The following NTM variants were observed in gnomAD, a reference collection of about 807,000 sequenced individuals.
The protein encoded by NTM is IgLON family member 2.
NTM carries 13 observed loss-of-function variants against 42.1 expected under a neutral mutation model. The observed-to-expected ratio is 0.31, with a 90% CI of 0.20 to 0.49. NTM has a LOEUF of 0.49. NTM is among the 20% of genes least tolerant of loss of function. The pLI, the probability that NTM is intolerant of heterozygous loss-of-function variation, is 0.99. For synonymous variants in NTM, 187 were observed against 179.2 expected, an observed-to-expected ratio of 1.04 and a Z score of -0.35; for missense variants, 373 against 452.8, an observed-to-expected ratio of 0.82 and a Z score of 1.60.
In NTM at chr11:131,395,305, A is replaced by G. The variant is rs1944429544; in HGVS notation, c.82+24417A>G. Among the ~76,000 whole-genome samples, 3 of 152,248 alleles carry G rather than the reference A, an allele frequency of 2.0e-5. No individual in the cohort carries two copies. In the South Asian group the frequency reaches 6.2e-4, roughly 32 times the overall value. On this transcript the variant is annotated intron_variant, in intron 1 of 8. Transcript: ENST00000683400. ...GAACAGAAATGGTTCCAATAAGGGCAGAGAGGAATATTGCTTTTATAGCTT... is the reference window on the plus strand; with the variant it reads ...GAACAGAAATGGTTCCAATAAGGGCGGAGAGGAATATTGCTTTTATAGCTT...
intron 1 of NTM, among the ~76,000 whole-genome samples, chr11:131,524,790 T>A (rs917142789): frequency 6.6e-6 from 1 of 152,164 alleles, no homozygotes; most frequent in African/African-American, 2.4e-5. Flanking sequence ...CAATTCAGAC[T>A]ATGACACTGA....
chr11:132,145,784 T>G (rs2070260398), intron 2 of NTM, among the ~76,000 whole-genome samples: 1 of 152,168 alleles, frequency 6.6e-6, no homozygotes, highest in Admixed American at 6.5e-5. Flanking sequence ...AAAAGCTGGG[T>G]CTCTGATCTA....
At chr11:131,495,196 C>G (rs529653194) in intron 1 of NTM, among the ~76,000 whole-genome samples, 3 of 152,176 alleles carry the variant, frequency 2.0e-5, no homozygotes, top group African/African-American at 7.2e-5. Flanking sequence ...TACACATAGC[C>G]GCTAGTTCCC....
intron 2 of NTM, among the ~76,000 whole-genome samples, chr11:131,993,281 A>G (rs937393910): frequency 6.6e-6 from 1 of 152,102 alleles, no homozygotes; most frequent in Non-Finnish European, 1.5e-5. Flanking sequence ...CTAAAGGAGG[A>G]GCCATGCAAA....
chr11:131,639,892 G>A (rs1410904168), intron 1 of NTM, among the ~76,000 whole-genome samples: 1 of 151,986 alleles, frequency 6.6e-6, no homozygotes, highest in East Asian at 1.9e-4. Flanking sequence ...GGAGGCGGAG[G>A]TTGCAGTGAG....
intron 3 of NTM, among the ~76,000 whole-genome samples, chr11:132,176,491 T>C (rs908026162): frequency 6.6e-6 from 1 of 152,176 alleles, no homozygotes; most frequent in Non-Finnish European, 1.5e-5. Context: ...CATCTTGTCA[T>C]TTGAAAATTC....
chr11:131,545,699 G>A (rs1168110964), intron 1 of NTM, among the ~76,000 whole-genome samples: 1 of 152,158 alleles, frequency 6.6e-6, no homozygotes, highest in African/African-American at 2.4e-5. Flanking sequence ...TTTTAAGAAG[G>A]TGATGAGCAG....
intron 1 of NTM, among the ~76,000 whole-genome samples, chr11:131,693,843 A>T (rs2075096952): frequency 6.6e-6 from 1 of 152,194 alleles, no homozygotes; most frequent in South Asian, 2.1e-4. Flanking sequence ...AGAAACTGGA[A>T]GCGAGAGAGG....
At chr11:132,033,163 G>A (rs781640523) in intron 2 of NTM, among the ~76,000 whole-genome samples, 4 of 152,170 alleles carry the variant, frequency 2.6e-5, no homozygotes, top group Admixed American at 6.5e-5. Flanking sequence ...ATGGCTGCGG[G>A]CAAGTAGCAC....
At chr11:131,473,143 A>G (rs56387947) in intron 1 of NTM, among the ~76,000 whole-genome samples, 1,719 of 152,270 alleles carry the variant, frequency 0.011, 31 homozygotes, top group African/African-American at 0.039. Flanking sequence ...ACTGGACTTC[A>G]AACACATCCC....
At chr11:131,538,743 G>T (rs1323587661) in intron 1 of NTM, 1 of 152,178 alleles carries the variant, frequency 6.6e-6, no homozygotes, top group Non-Finnish European at 1.5e-5. Flanking sequence ...AGGTGGGAAT[G>T]ATGTTGGTCA....
intron 1 of NTM, among the ~76,000 whole-genome samples, chr11:131,901,234 A>G (rs754955751): frequency 4.6e-5 from 7 of 152,242 alleles, no homozygotes; most frequent in Non-Finnish European, 8.8e-5. Flanking sequence ...CAAGCTGGTA[A>G]TTTGTGGAAC....
intron 1 of NTM, among the ~76,000 whole-genome samples, chr11:131,380,716 G>A (rs181357949): frequency 6.6e-6 from 1 of 152,234 alleles, no homozygotes; most frequent in Admixed American, 6.5e-5. Flanking sequence ...GTGACACTCA[G>A]TGTTTATGGA....
chr11:131,896,901 G>A (rs2052374011), intron 1 of NTM: 1 of 152,198 alleles, frequency 6.6e-6, no homozygotes, highest in Non-Finnish European at 1.5e-5. Flanking sequence ...TGTTAGCCAG[G>A]ATGGTCTCGA....
At chr11:131,383,901 A>C (rs1267469758) in intron 1 of NTM, among the ~76,000 whole-genome samples, 1 of 152,198 alleles carries the variant, frequency 6.6e-6, no homozygotes, top group East Asian at 1.9e-4. Flanking sequence ...CCAGTTAGGC[A>C]TGAGGTCACC....
intron 6 of NTM, among the ~76,000 whole-genome samples, chr11:132,313,817 A>G (rs1565455267): frequency 6.6e-6 from 1 of 152,088 alleles, no homozygotes; most frequent in South Asian, 2.1e-4. Flanking sequence ...CCCCAGACCA[A>G]TGCAAGTCCT....
At chr11:131,470,546 G>C (rs918476003) in intron 1 of NTM, among the ~76,000 whole-genome samples, 1 of 152,200 alleles carries the variant, frequency 6.6e-6, no homozygotes. Context: ...TTCTCTGGGA[G>C]AGGAAAGTGA....
At chr11:132,092,438 T>C (rs1294777442) in intron 2 of NTM, among the ~76,000 whole-genome samples, 1 of 152,182 alleles carries the variant, frequency 6.6e-6, no homozygotes, top group Non-Finnish European at 1.5e-5. Context: ...CCACCTGACC[T>C]CCTCAAGTCA....
At chr11:132,302,391 C>A (rs2094898532) in intron 4 of NTM, among the ~76,000 whole-genome samples, 1 of 152,118 alleles carries the variant, frequency 6.6e-6, no homozygotes, top group South Asian at 2.1e-4. Flanking sequence ...TAAAGAAAAT[C>A]TTTTCTGTTA....
Sources: gnomAD v4.1 joint callset for allele counts (sites outside exome capture counted in the v4.1 genomes callset) on GRCh38, gnomAD v4.1.1 for gene constraint, MANE v1.5 for transcripts, NCBI Gene and HGNC (gene_info 2026-07-23, HGNC 2026-07-21) for gene names.